The following RBPMS variants were observed in gnomAD, a reference collection of about 807,000 sequenced individuals.
The protein encoded by RBPMS is RNA-binding protein with multiple splicing.
RBPMS carries 7 observed loss-of-function variants against 26.8 expected under a neutral mutation model. That is an observed-to-expected ratio of 0.26 (90% CI 0.15 to 0.49). The LOEUF (loss-of-function observed/expected upper bound fraction) is 0.49, where lower values mean the gene tolerates loss of function less well. RBPMS is among the 20% of genes least tolerant of loss of function. RBPMS has a pLI of 0.98. For synonymous variants in RBPMS, 96 were observed against 93.3 expected, an observed-to-expected ratio of 1.03 and a Z score of -0.17; for missense variants, 186 against 250.0, an observed-to-expected ratio of 0.74 and a Z score of 1.73.
chr8:30,519,458 CTTTTTTTTTT>C lies in RBPMS; in HGVS notation c.397+15055_397+15064del, dbSNP rs36017963. ...TCACCCTACGTGGGAGGATCTCTCT[CTTTTTTTTTT>C]TTTTTTTTTTTTTTTTTTTTTTTTT... On this transcript the variant is annotated intron_variant, in intron 5 of 8. Coordinates refer to ENST00000397323, the MANE Select transcript of RBPMS (RefSeq NM_001008710.3). 1.7e-3 allele frequency among the ~76,000 whole-genome samples: 152 copies of C among 89,490 alleles called. 15 individuals are homozygous for C. The highest frequency in any genetic ancestry group is 6.0e-3 in the East Asian group (17 of 2,842). 58.7% of individuals were successfully genotyped at this position (89,490 alleles called of 152,430 possible). A position where few individuals can be genotyped will look rare whatever the true frequency, so the allele number is the denominator to read the frequency against.
chr8:30,421,711 C>G (rs937881530), intron 1 of RBPMS, among the ~76,000 whole-genome samples: 2 of 152,156 alleles, frequency 1.3e-5, no homozygotes, highest in African/African-American at 4.8e-5. Context: ...AATCCCAGCA[C>G]TTTGGGAGGC....
chr8:30,434,143 AT>A, intron 1 of RBPMS, among the ~76,000 whole-genome samples: 1 of 152,182 alleles, frequency 6.6e-6, no homozygotes, highest in African/African-American at 2.4e-5. Context: ...AAAAAATAAA[AT>A]AAAAATAAAG....
At chr8:30,436,739 C>T (rs1429878867) in intron 1 of RBPMS, among the ~76,000 whole-genome samples, 3 of 152,100 alleles carry the variant, frequency 2.0e-5, no homozygotes, top group Admixed American at 1.3e-4. Flanking sequence ...TTGCATTCTT[C>T]CATGCAGTTG....
chr8:30,516,925 C>G (rs971352660), intron 5 of RBPMS, among the ~76,000 whole-genome samples: 4 of 147,918 alleles, frequency 2.7e-5, no homozygotes, highest in African/African-American at 7.6e-5. Flanking sequence ...CACACACAGA[C>G]ACACATGAGT....
chr8:30,555,795 G>A, intron 6 of RBPMS: 1 of 761,432 alleles, frequency 1.3e-6, no homozygotes, highest in Non-Finnish European at 1.6e-6. Context: ...TTATGGGATG[G>A]GCAGGAGTGA....
At chr8:30,537,530 A>T (rs1468856607) in intron 5 of RBPMS, 2 of 456,072 alleles carry the variant, frequency 4.4e-6, no homozygotes, top group African/African-American at 4.0e-5. Context: ...GGAATGAGAA[A>T]GACATAGAGA....
At chr8:30,514,909 A>G (rs1822144709) in intron 5 of RBPMS, among the ~76,000 whole-genome samples, 1 of 152,050 alleles carries the variant, frequency 6.6e-6, no homozygotes, top group Non-Finnish European at 1.5e-5. Flanking sequence ...TATCTTCCAA[A>G]TGACCAATGT....
chr8:30,497,536 ACT>A (rs1487079338), intron 4 of RBPMS, among the ~76,000 whole-genome samples: 1 of 151,784 alleles, frequency 6.6e-6, no homozygotes, highest in Admixed American at 6.6e-5. Context: ...ACAGAGTGAG[ACT>A]CTGTCTCAAA....
chr8:30,521,137 A>G (rs1822979224), intron 5 of RBPMS, among the ~76,000 whole-genome samples: 1 of 152,232 alleles, frequency 6.6e-6, no homozygotes, highest in Non-Finnish European at 1.5e-5. Context: ...TTAGTTCAAA[A>G]TGTTAGCTTT....
intron 1 of RBPMS, among the ~76,000 whole-genome samples, chr8:30,447,568 C>A (rs1404049349): frequency 6.6e-6 from 1 of 152,118 alleles, no homozygotes; most frequent in African/African-American, 2.4e-5. Context: ...GCCTGTCACC[C>A]ATGTAGAAAA....
chr8:30,516,764 T>TACGC (rs1418015613), intron 5 of RBPMS, among the ~76,000 whole-genome samples: 9 of 152,136 alleles, frequency 5.9e-5, no homozygotes, highest in African/African-American at 2.2e-4. Context: ...TATAGTGGCA[T>TACGC]ACGCCTGTAG....
At chr8:30,498,018 G>A (rs1339960940) in intron 4 of RBPMS, among the ~76,000 whole-genome samples, 3 of 150,700 alleles carry the variant, frequency 2.0e-5, no homozygotes, top group Non-Finnish European at 2.9e-5. Flanking sequence ...GCAGTATAAA[G>A]GTTGTTAGAA....
intron 1 of RBPMS, among the ~76,000 whole-genome samples, chr8:30,441,916 A>C (rs918834850): frequency 6.6e-6 from 1 of 152,072 alleles, no homozygotes; most frequent in African/African-American, 2.4e-5. Flanking sequence ...CAGCCTCCCG[A>C]GTAGCTGGGA....
chr8:30,415,934 T>C (rs1199862269), intron 1 of RBPMS, among the ~76,000 whole-genome samples: 2 of 152,234 alleles, frequency 1.3e-5, no homozygotes, highest in Non-Finnish European at 2.9e-5. Context: ...TTAAAATTAC[T>C]GTGTATGGGG....
chr8:30,423,566 C>T (rs542240082), intron 1 of RBPMS, among the ~76,000 whole-genome samples: 545 of 150,916 alleles, frequency 3.6e-3, no homozygotes, highest in Non-Finnish European at 4.9e-3. Context: ...TTTCTTCTTT[C>T]GTCTCTCTTT....
chr8:30,527,900 G>C (rs919914604), intron 5 of RBPMS, among the ~76,000 whole-genome samples: 2 of 152,194 alleles, frequency 1.3e-5, no homozygotes, highest in East Asian at 1.9e-4. Flanking sequence ...AATGGGCCAG[G>C]CATGGTGGCT....
chr8:30,424,578 T>G (rs1436960008), intron 1 of RBPMS, among the ~76,000 whole-genome samples: 1 of 152,232 alleles, frequency 6.6e-6, no homozygotes, highest in African/African-American at 2.4e-5. Context: ...TTTGGCTGGC[T>G]AGGTGATCTT....
chr8:30,532,461 G>A (rs568676268), intron 5 of RBPMS, among the ~76,000 whole-genome samples: 2 of 152,230 alleles, frequency 1.3e-5, no homozygotes, highest in Admixed American at 6.5e-5. Flanking sequence ...TGTCAAATTC[G>A]CATTCAGTTT....
At chr8:30,417,621 A>G (rs954003) in intron 1 of RBPMS, among the ~76,000 whole-genome samples, 22,304 of 152,228 alleles carry the variant, frequency 0.15, 3,984 homozygotes, top group African/African-American at 0.42. Flanking sequence ...TTTGCTGTCC[A>G]GAAGTGTGAC....
Sources: gnomAD v4.1 joint callset for allele counts (sites outside exome capture counted in the v4.1 genomes callset) on GRCh38, gnomAD v4.1.1 for gene constraint, MANE v1.5 for transcripts, NCBI Gene and HGNC (gene_info 2026-07-23, HGNC 2026-07-21) for gene names.